Variants in NBAS observed in about 807,000 individuals in gnomAD.
The protein encoded by NBAS is NBAS subunit of NRZ tethering complex.
Under a neutral mutation model 302.5 loss-of-function variants are expected in NBAS, and 219 were observed. The ratio of observed to expected loss-of-function variants is 0.72; its 90% CI spans 0.65 to 0.81. The LOEUF (loss-of-function observed/expected upper bound fraction) is 0.81, where lower values mean the gene tolerates loss of function less well. NBAS is among the 30% of genes least tolerant of loss of function. The pLI, the probability that NBAS is intolerant of heterozygous loss-of-function variation, is 0.00. For missense variants in NBAS, 2,932 were observed against 2,841.6 expected, an observed-to-expected ratio of 1.03 and a Z score of -0.72; for synonymous variants, 1,118 against 1,021.6, an observed-to-expected ratio of 1.09 and a Z score of -1.80.
the NBAS span, among the ~76,000 whole-genome samples, chr2:14,925,490 C>A: frequency 6.6e-6 from 1 of 152,112 alleles, no homozygotes; most frequent in Non-Finnish European, 1.5e-5. Flanking sequence ...ATAAAATATG[C>A]TCATAAAAAT....
chr2:15,008,685 T>A, the NBAS span, among the ~76,000 whole-genome samples: 3 of 152,200 alleles, frequency 2.0e-5, no homozygotes, highest in Non-Finnish European at 2.9e-5. Flanking sequence ...GCCACTCTCC[T>A]TAAACTTATT....
intron 44 of NBAS, among the ~76,000 whole-genome samples, chr2:15,247,359 A>G (rs1248772443): frequency 6.6e-6 from 1 of 152,190 alleles, no homozygotes; most frequent in Admixed American, 6.5e-5. Context: ...TAGCATGATA[A>G]TGGCTGGATC....
rs11893303 is a variant in NBAS, at chr2:15,473,591, G to A, written c.1600-244C>T. 0.61 allele frequency among the ~76,000 whole-genome samples: 92,264 copies of A among 152,014 alleles called. 28,962 individuals are homozygous for A. Among genetic ancestry groups the A allele is most frequent in the Non-Finnish European group, 0.68 (46,022 of 67,982 alleles). On this transcript the variant is annotated intron_variant, in intron 15 of 51. Coordinates refer to ENST00000281513, the MANE Select transcript of NBAS (RefSeq NM_015909.4). The stretch of plus-strand genomic sequence containing the variant: ...AGCTCTCGTTTTAGAGTAAAACAGC[G>A]GCAAAACCAAGACAACCATGGAACA...
intron 11 of NBAS, among the ~76,000 whole-genome samples, chr2:15,491,749 A>G (rs915298244): frequency 1.3e-5 from 2 of 151,984 alleles, no homozygotes; most frequent in African/African-American, 2.4e-5. Flanking sequence ...AAAGAAAAAA[A>G]AAAAAGAAAA....
chr2:14,917,770 A>G, the NBAS span, among the ~76,000 whole-genome samples: 1 of 152,188 alleles, frequency 6.6e-6, no homozygotes, highest in Non-Finnish European at 1.5e-5. Context: ...TTTTATATGA[A>G]AACACCACAT....
the NBAS span, among the ~76,000 whole-genome samples, chr2:15,036,474 A>G: frequency 6.6e-6 from 1 of 152,318 alleles, no homozygotes; most frequent in Non-Finnish European, 1.5e-5. Flanking sequence ...CACATCGGTA[A>G]TATGACAATG....
intron 21 of NBAS, among the ~76,000 whole-genome samples, chr2:15,459,496 A>ATTTTTTATT (rs576706526): frequency 1.4e-5 from 1 of 73,410 alleles, no homozygotes. Flanking sequence ...CATCCTGAGC[A>ATTTTTTATT]TTTTTTCTTT....
At chr2:14,904,809 G>A in the NBAS span, among the ~76,000 whole-genome samples, 88 of 152,338 alleles carry the variant, frequency 5.8e-4, no homozygotes, top group South Asian at 0.017. Flanking sequence ...CAGCACTTTG[G>A]GAGGCCGAGG....
At chr2:14,944,487 C>T in the NBAS span, among the ~76,000 whole-genome samples, 6 of 152,068 alleles carry the variant, frequency 3.9e-5, no homozygotes, top group Non-Finnish European at 8.8e-5. Flanking sequence ...ATCACACAGC[C>T]CATCATTGAT....
the NBAS span, among the ~76,000 whole-genome samples, chr2:15,159,082 G>A: frequency 6.6e-6 from 1 of 152,116 alleles, no homozygotes; most frequent in Non-Finnish European, 1.5e-5. Context: ...TTTGCTCTTG[G>A]GGCTTGAAAG....
chr2:15,191,239 A>C (rs1665341195), intron 48 of NBAS, among the ~76,000 whole-genome samples: 1 of 152,200 alleles, frequency 6.6e-6, no homozygotes, highest in Non-Finnish European at 1.5e-5. Context: ...TTGAAAGGAT[A>C]ATGAGAATGA....
the NBAS span, among the ~76,000 whole-genome samples, chr2:15,034,976 T>C: frequency 6.6e-6 from 1 of 152,330 alleles, no homozygotes; most frequent in Non-Finnish European, 1.5e-5. Context: ...TTTCACTTAC[T>C]AACATTACAC....
the NBAS span, among the ~76,000 whole-genome samples, chr2:14,982,921 A>G: frequency 6.6e-6 from 1 of 152,214 alleles, no homozygotes; most frequent in Non-Finnish European, 1.5e-5. Context: ...AGAGGTAAAC[A>G]TCAGAAAAAA....
the NBAS span, among the ~76,000 whole-genome samples, chr2:15,050,312 C>CT: frequency 1.3e-5 from 2 of 150,466 alleles, no homozygotes; most frequent in South Asian, 2.1e-4. Context: ...TTCTTCTTTC[C>CT]TTTTTTTCAT....
At chr2:14,812,242 G>A in the NBAS span, among the ~76,000 whole-genome samples, 5 of 152,286 alleles carry the variant, frequency 3.3e-5, no homozygotes, top group South Asian at 2.1e-4. Context: ...GGGCATCACA[G>A]GGAGACAAGA....
At chr2:14,986,448 G>A in the NBAS span, among the ~76,000 whole-genome samples, 10 of 151,948 alleles carry the variant, frequency 6.6e-5, no homozygotes, top group Non-Finnish European at 8.8e-5. Context: ...TCCAGCTTAC[G>A]GTACACCTTC....
At chr2:15,478,356 C>G in intron 12 of NBAS, 67 bp from the exon 13 acceptor site, 1 of 1,175,998 alleles carries the variant, frequency 8.5e-7, no homozygotes, top group Non-Finnish European at 1.3e-6. Context: ...TCATCAAGAA[C>G]TGTGGACTTT....
At chr2:15,418,160 CT>C (rs1322308099) in intron 23 of NBAS, among the ~76,000 whole-genome samples, 1 of 152,202 alleles carries the variant, frequency 6.6e-6, no homozygotes. Flanking sequence ...TGTATAGTAT[CT>C]ATCCTTTCAC....
the NBAS span, among the ~76,000 whole-genome samples, chr2:14,883,537 T>C: frequency 6.6e-6 from 1 of 152,112 alleles, no homozygotes; most frequent in Non-Finnish European, 1.5e-5. Flanking sequence ...GTATGGACAA[T>C]GTCCACCGGC....
Sources: allele counts gnomAD v4.1 joint callset (sites outside exome capture counted in the v4.1 genomes callset), GRCh38; gene constraint gnomAD v4.1.1; transcripts MANE v1.5; gene names NCBI Gene and HGNC (gene_info 2026-07-23, HGNC 2026-07-21).